Variants in OVOL2 observed in about 807,000 individuals in gnomAD.
OVOL2 encodes ovo like zinc finger 2.
In OVOL2, 13 loss-of-function variants were observed where a neutral mutation model predicts 18.1. That is an observed-to-expected ratio of 0.72 (90% CI 0.47 to 1.14). The LOEUF (loss-of-function observed/expected upper bound fraction) is 1.14. Among genes scored for constraint, OVOL2 ranks in the 50% most tolerant of loss-of-function variants. OVOL2 has a pLI of 0.00. For synonymous variants in OVOL2, 166 were observed against 162.7 expected (o/e 1.02, Z -0.16); for missense variants, 335 against 383.0 (o/e 0.87, Z 1.05).
chr20:18,051,893 C>T (rs1306135865), intron 2 of OVOL2, among the ~76,000 whole-genome samples: 2 of 152,140 alleles, frequency 1.3e-5, no homozygotes, highest in Non-Finnish European at 1.5e-5. Context: ...CCACCAAGCC[C>T]TACTAATTTT....
At chr20:18,058,074 A>G (rs1209027682), upstream of OVOL2, among the ~76,000 whole-genome samples, 1 of 152,184 alleles carries the variant, frequency 6.6e-6, no homozygotes, top group African/African-American at 2.4e-5. Flanking sequence ...TTTTTAAGAA[A>G]GGAAGAACAT....
At chr20:18,042,420 G>GCCGTC (rs1284156622) in intron 2 of OVOL2, among the ~76,000 whole-genome samples, 3 of 152,046 alleles carry the variant, frequency 2.0e-5, no homozygotes, top group African/African-American at 7.3e-5. Flanking sequence ...ATGGCCTGGT[G>GCCGTC]CCGTCCCCGT....
upstream of OVOL2, among the ~76,000 whole-genome samples, chr20:18,058,705 T>C (rs1305760717): frequency 6.6e-6 from 1 of 152,190 alleles, no homozygotes; most frequent in Non-Finnish European, 1.5e-5. Context: ...GGAAATACCT[T>C]TCCAGGAAGC....
rs11466923 is a variant in OVOL2 at position 18,034,626 on chromosome 20, T to TTCTCTCTCTC, written c.511+6898_511+6907dup. On this transcript the variant is annotated intron_variant, in intron 3 of 3. Transcript: ENST00000278780. ...TTTAACTAACACTCCCTTCCCCTCT[T>TTCTCTCTCTC]TCTCTCTCTCTCTCTCTCTCTCTCT... is the stretch of plus-strand genomic sequence containing the variant. Among the ~76,000 whole-genome samples, 496 of 138,078 alleles carry TTCTCTCTCTC rather than the reference T, an allele frequency of 3.6e-3. 4 individuals are homozygous for TTCTCTCTCTC. The highest frequency in any genetic ancestry group is 5.4e-3 in the African/African-American group (187 of 34,940). 90.6% of individuals were successfully genotyped at this position (138,078 alleles called of 152,430 possible).
At chr20:18,031,126 C>T (rs1434762550) in intron 3 of OVOL2, among the ~76,000 whole-genome samples, 1 of 152,186 alleles carries the variant, frequency 6.6e-6, no homozygotes, top group Non-Finnish European at 1.5e-5. Context: ...ATGCGCTAGA[C>T]GTCATTAACC....
chr20:18,056,900 C>G lies in OVOL2; in HGVS notation c.101-23G>C, dbSNP rs1451295186. The G allele has an allele frequency of 6.8e-7, 1 of 1,475,160 alleles. No homozygotes were observed. The highest frequency in any genetic ancestry group is 1.5e-5 in the African/African-American group (1 of 68,286). 91.4% of individuals were successfully genotyped at this position (1,475,160 alleles called of 1,614,324 possible). A position where few individuals can be genotyped will look rare whatever the true frequency, so the allele number is the denominator to read the frequency against. ...CCACTGTGGAGGGAGGGGCCGCGCCCCGACACACACACTCGGCGTCAACCC... is the reference window on the plus strand; with the variant it reads ...CCACTGTGGAGGGAGGGGCCGCGCCGCGACACACACACTCGGCGTCAACCC... On this transcript the variant is annotated intron_variant, in intron 1 of 3. Transcript: ENST00000278780. This position sits in a 1 kb window ranked among gnomAD's most constrained non-coding sequence, Gnocchi z 4.2.
intron 2 of OVOL2, among the ~76,000 whole-genome samples, chr20:18,054,631 G>T (rs1333755557): frequency 6.6e-6 from 1 of 151,438 alleles, no homozygotes; most frequent in Non-Finnish European, 1.5e-5. Context: ...AATCCCAGCT[G>T]CTCGGAAGGC....
At chr20:18,026,938 G>T (rs2036525020) in intron 3 of OVOL2, among the ~76,000 whole-genome samples, 1 of 152,026 alleles carries the variant, frequency 6.6e-6, no homozygotes, top group Non-Finnish European at 1.5e-5. Flanking sequence ...CAGACGCTGG[G>T]GACTACCAGA....
At chr20:18,042,640 G>A (rs188345666) in intron 2 of OVOL2, among the ~76,000 whole-genome samples, 21 of 152,078 alleles carry the variant, frequency 1.4e-4, no homozygotes, top group Admixed American at 1.0e-3. Context: ...GCCAGGCGTG[G>A]TGGTGCATGC....
chr20:18,044,640 C>T (rs1568637326), intron 2 of OVOL2, among the ~76,000 whole-genome samples: 2 of 152,078 alleles, frequency 1.3e-5, no homozygotes, highest in Admixed American at 6.6e-5. Flanking sequence ...TGGCTTAATC[C>T]CCAGTCCCTA....
At chr20:18,031,991 G>A (rs949197882) in intron 3 of OVOL2, among the ~76,000 whole-genome samples, 1 of 152,130 alleles carries the variant, frequency 6.6e-6, no homozygotes, top group Non-Finnish European at 1.5e-5. Context: ...TCAGCGAGAA[G>A]ATTTTTACAG....
chr20:18,039,706 G>A (rs1444919089), intron 3 of OVOL2, among the ~76,000 whole-genome samples: 1 of 152,008 alleles, frequency 6.6e-6, no homozygotes, highest in Non-Finnish European at 1.5e-5. Flanking sequence ...ACTCTCTAAG[G>A]TGACAGAAAC....
At chr20:18,052,780 C>G (rs1457112978) in intron 2 of OVOL2, among the ~76,000 whole-genome samples, 2 of 152,224 alleles carry the variant, frequency 1.3e-5, no homozygotes, top group African/African-American at 4.8e-5. Flanking sequence ...GACAAATTCA[C>G]TTGGTACTCC....
At chr20:18,035,628 C>T (rs1269512378) in intron 3 of OVOL2, among the ~76,000 whole-genome samples, 1 of 152,214 alleles carries the variant, frequency 6.6e-6, no homozygotes, top group East Asian at 1.9e-4. Flanking sequence ...GAAGAGATGG[C>T]TCGGCAAGCC....
rs1395527373 is a variant in OVOL2, at chr20:18,039,623, G to GA, written c.511+1910dup. On this transcript the variant is annotated intron_variant, in intron 3 of 3. Coordinates refer to ENST00000278780, the MANE Select transcript of OVOL2 (RefSeq NM_021220.4). ...ACGCTGTCTCAAAAAAAAAAAAAAA[G>GA]AAAGAAAGAAAGAAAGAAAAGAAAA... Among the ~76,000 whole-genome samples the GA allele has an allele frequency of 2.5e-5, 3 of 120,990 alleles. No individual in the cohort carries two copies. The East Asian group carries it at 1.4e-3, about 55-fold the overall frequency. 79.4% of individuals were successfully genotyped at this position (120,990 alleles called of 152,430 possible).
chr20:18,037,168 C>G (rs1345892440), intron 3 of OVOL2, among the ~76,000 whole-genome samples: 3 of 149,328 alleles, frequency 2.0e-5, no homozygotes, highest in Non-Finnish European at 4.5e-5. Flanking sequence ...GAAACTGCAA[C>G]AGGGCAGGCT....
chr20:18,043,243 C>G (rs982450223), intron 2 of OVOL2, among the ~76,000 whole-genome samples: 1 of 152,186 alleles, frequency 6.6e-6, no homozygotes, highest in Non-Finnish European at 1.5e-5. Flanking sequence ...ATTCTGTCCT[C>G]CTTGTGCCTG....
intron 2 of OVOL2, among the ~76,000 whole-genome samples, chr20:18,052,033 C>T (rs1250979570): frequency 1.3e-5 from 2 of 152,164 alleles, no homozygotes; most frequent in Admixed American, 6.5e-5. Context: ...AGCTATGGCG[C>T]CTGGTCTAAT....
intron 3 of OVOL2, among the ~76,000 whole-genome samples, chr20:18,026,634 G>T (rs2036521338): frequency 6.6e-6 from 1 of 152,124 alleles, no homozygotes; most frequent in African/African-American, 2.4e-5. Flanking sequence ...GCCCCCCTCG[G>T]CCTCCCAAGG....
Sources: gnomAD v4.1 joint callset for allele counts (sites outside exome capture counted in the v4.1 genomes callset) on GRCh38, gnomAD v4.1.1 for gene constraint, Gnocchi (gnomAD v3.1) non-coding constraint, MANE v1.5 for transcripts, NCBI Gene and HGNC (gene_info 2026-07-23, HGNC 2026-07-21) for gene names.